Variants in SETBP1 observed in about 807,000 individuals in gnomAD.
SETBP1 encodes the protein SET-binding protein.
In SETBP1, 9 loss-of-function variants were observed where a neutral mutation model predicts 101.0. The ratio of observed to expected loss-of-function variants is 0.09; its 90% CI spans 0.05 to 0.16. The LOEUF (loss-of-function observed/expected upper bound fraction) is 0.16, where lower values mean the gene tolerates loss of function less well. SETBP1 is among the 10% of genes least tolerant of loss of function. The probability of loss-of-function intolerance (pLI) is 1.00; values close to 1 mark genes in which losing one functional copy is unlikely to be tolerated. For synonymous variants in SETBP1, 818 were observed against 788.5 expected, an observed-to-expected ratio of 1.04 and a Z score of -0.63; for missense variants, 1,858 against 2,033.8, an observed-to-expected ratio of 0.91 and a Z score of 1.66.
chr18:44,983,033 G>C (rs764766662), intron 4 of SETBP1, among the ~76,000 whole-genome samples: 3 of 152,132 alleles, frequency 2.0e-5, no homozygotes, highest in Non-Finnish European at 2.9e-5. Flanking sequence ...GAAAACCCCT[G>C]TCTAATATTT....
chr18:44,779,089 A>G (rs765931803), intron 2 of SETBP1, among the ~76,000 whole-genome samples: 5 of 152,222 alleles, frequency 3.3e-5, no homozygotes, highest in Non-Finnish European at 7.3e-5. Flanking sequence ...TGTTAAATGC[A>G]GTTTAATCTT....
At chr18:44,807,442 C>T (rs984149581) in intron 2 of SETBP1, among the ~76,000 whole-genome samples, 2 of 152,100 alleles carry the variant, frequency 1.3e-5, no homozygotes, top group South Asian at 4.1e-4. Context: ...ATTGTAGAGA[C>T]ATTTCCATTC....
At chr18:44,862,145 GAGTCTTTAAAA>G (rs1276449738) in intron 2 of SETBP1, among the ~76,000 whole-genome samples, 1 of 152,154 alleles carries the variant, frequency 6.6e-6, no homozygotes, top group Non-Finnish European at 1.5e-5. Context: ...GTTACACATG[GAGTCTTTAAAA>G]ATATATATAA....
intron 4 of SETBP1, among the ~76,000 whole-genome samples, chr18:45,000,874 G>A (rs1003043569): frequency 6.0e-5 from 9 of 150,560 alleles, no homozygotes; most frequent in Non-Finnish European, 5.9e-5. Context: ...CATTTTTGTC[G>A]CCTTAAAAGC....
chr18:44,706,796 G>T (rs1318509032), intron 2 of SETBP1, among the ~76,000 whole-genome samples: 1 of 151,950 alleles, frequency 6.6e-6, no homozygotes, highest in Non-Finnish European at 1.5e-5. Context: ...AGGAGATGTG[G>T]TGTGATAGTC....
chr18:45,020,565 G>A (rs1304517806), intron 4 of SETBP1, among the ~76,000 whole-genome samples: 1 of 152,152 alleles, frequency 6.6e-6, no homozygotes, highest in Non-Finnish European at 1.5e-5. Flanking sequence ...TACAGTTTAG[G>A]AGCAGAGGAA....
At position 44,952,038 on chromosome 18, in the gene SETBP1, G is replaced by A; in HGVS notation, c.2698G>A (p.Asp900Asn). The A allele has an allele frequency of 6.2e-7, 1 of 1,613,988 alleles. No individual in the cohort carries two copies. Among genetic ancestry groups the A allele is most frequent in the Non-Finnish European group, 8.5e-7 (1 of 1,180,032 alleles). ...RRYSFDFCSL[D>N]NPEAIPSDTS... ...GTACTCTTTTGATTTCTGCTCCCTGGACAACCCGGAGGCCATTCCGTCCGA... is the reference window on the plus strand; with the variant it reads ...GTACTCTTTTGATTTCTGCTCCCTGAACAACCCGGAGGCCATTCCGTCCGA... The change falls in exon 4 of 6, where the codon GAC (aspartate) becomes AAC (asparagine). Residue 900 changes from aspartate to asparagine, a missense_variant. Transcript: ENST00000649279.
rs2073985220 is a variant in SETBP1 at position 45,067,579 on chromosome 18, C to A, written c.*3881C>A. ...TATAGACGTTATTCTCAACACTACC[C>A]TATAGTATCACAGTGGTCCAAATGC... is the stretch of plus-strand genomic sequence containing the variant. On this transcript the variant is annotated 3_prime_UTR_variant, in exon 6 of 6. Transcript: ENST00000649279. 6.6e-6 allele frequency: 1 copy of A among 152,156 alleles called. No homozygotes were observed. Among genetic ancestry groups the A allele is most frequent in the East Asian group, 1.9e-4 (1 of 5,194 alleles). The allele number at this position is 152,156 out of a possible 1,614,324, so 9.4% of individuals were successfully genotyped here.
intron 2 of SETBP1, among the ~76,000 whole-genome samples, chr18:44,781,208 C>T (rs973814985): frequency 6.6e-6 from 1 of 152,062 alleles, no homozygotes; most frequent in Admixed American, 6.5e-5. Context: ...AGAATTTAAG[C>T]GAGGGAATGA....
chr18:44,834,156 T>A (rs2072438615), intron 2 of SETBP1, among the ~76,000 whole-genome samples: 1 of 151,700 alleles, frequency 6.6e-6, no homozygotes, highest in Non-Finnish European at 1.5e-5. Context: ...GTGGATCCGT[T>A]GTATATAGAT....
intron 3 of SETBP1, among the ~76,000 whole-genome samples, chr18:44,875,223 A>C (rs1379905602): frequency 3.3e-5 from 5 of 152,194 alleles, no homozygotes; most frequent in African/African-American, 1.2e-4. Context: ...ATCAACACTT[A>C]GAAAGAGTAA....
intron 1 of SETBP1, among the ~76,000 whole-genome samples, chr18:44,683,702 C>G (rs1276381094): frequency 6.6e-6 from 1 of 152,162 alleles, no homozygotes; most frequent in South Asian, 2.1e-4. Flanking sequence ...GACACTGAAA[C>G]TTGGCTGGGC....
intron 4 of SETBP1, among the ~76,000 whole-genome samples, chr18:45,024,529 G>A (rs2073128006): frequency 6.6e-6 from 1 of 152,062 alleles, no homozygotes; most frequent in South Asian, 2.1e-4. Context: ...CATCTTCACT[G>A]TACACTTCTG....
rs568139465 is a variant in SETBP1 at position 45,009,946 on chromosome 18, C to T, written c.4001-28539C>T. ...TTAATCACGTGTCCTTTCCTCTGAT[C>T]GGTTGTGGTCTTGCCTTTGGTACAC... On this transcript the variant is annotated intron_variant, in intron 4 of 5. Transcript: ENST00000649279. 5.3e-5 allele frequency among the ~76,000 whole-genome samples: 8 copies of T among 152,224 alleles called. No individual in the cohort carries two copies. In the South Asian group the frequency reaches 6.2e-4, roughly 12 times the overall value.
chr18:44,763,424 T>G (rs1435898685), intron 2 of SETBP1, among the ~76,000 whole-genome samples: 1 of 152,172 alleles, frequency 6.6e-6, no homozygotes, highest in Non-Finnish European at 1.5e-5. Context: ...CCTCTAGGCT[T>G]CCTGGCATGT....
At chr18:44,959,666 C>T (rs1185860915) in intron 4 of SETBP1, among the ~76,000 whole-genome samples, 2 of 152,012 alleles carry the variant, frequency 1.3e-5, no homozygotes, top group African/African-American at 2.4e-5. Context: ...CAAGGGCTGT[C>T]CAAGTGACTT....
chr18:45,028,406 A>G (rs1347366273), intron 4 of SETBP1, among the ~76,000 whole-genome samples: 2 of 151,886 alleles, frequency 1.3e-5, no homozygotes, highest in African/African-American at 2.4e-5. Flanking sequence ...AATCCAGTCT[A>G]TCATTGTTGG....
At chr18:45,056,360 C>A (rs1332986137) in intron 5 of SETBP1, among the ~76,000 whole-genome samples, 3 of 152,232 alleles carry the variant, frequency 2.0e-5, no homozygotes, top group African/African-American at 7.2e-5. Flanking sequence ...CCCATCAACC[C>A]CTTGAATGCA....
intron 3 of SETBP1, among the ~76,000 whole-genome samples, chr18:44,945,241 G>A (rs1331456314): frequency 1.3e-5 from 2 of 152,006 alleles, no homozygotes; most frequent in African/African-American, 4.8e-5. Flanking sequence ...CTGACAAAGG[G>A]CTAATACCCA....
Sources: gnomAD v4.1 joint callset for allele counts (sites outside exome capture counted in the v4.1 genomes callset) on GRCh38, gnomAD v4.1.1 for gene constraint, MANE v1.5 for transcripts, NCBI Gene and HGNC (gene_info 2026-07-23, HGNC 2026-07-21) for gene names.